Variants in ROR2 observed in about 807,000 individuals in gnomAD.
ROR2 encodes tyrosine-protein kinase transmembrane receptor ROR2.
In ROR2, 33 loss-of-function variants were observed where a neutral mutation model predicts 74.9. The ratio of observed to expected loss-of-function variants is 0.44; its 90% CI spans 0.33 to 0.59. The LOEUF is 0.59. ROR2 is among the 20% of genes least tolerant of loss of function. The pLI is 0.02. For missense variants in ROR2, 1,216 were observed against 1,313.8 expected (o/e 0.93, Z 1.15); for synonymous variants, 586 against 558.7 (o/e 1.05, Z -0.69).
At chr9:91,876,987 T>A (rs1829974586) in intron 1 of ROR2, among the ~76,000 whole-genome samples, 1 of 152,088 alleles carries the variant, frequency 6.6e-6, no homozygotes, top group East Asian at 1.9e-4. Flanking sequence ...TAACACATCA[T>A]AATGAACTCC....
At chr9:91,769,037 T>G (rs1826145594) in intron 2 of ROR2, among the ~76,000 whole-genome samples, 1 of 152,142 alleles carries the variant, frequency 6.6e-6, no homozygotes, top group Non-Finnish European at 1.5e-5. Flanking sequence ...GGGAAAGGTT[T>G]GCTTGGGATT....
At chr9:91,879,802 T>C (rs940473813) in intron 1 of ROR2, among the ~76,000 whole-genome samples, 3 of 152,108 alleles carry the variant, frequency 2.0e-5, no homozygotes, top group Non-Finnish European at 4.4e-5. Context: ...ACAGTCCTAT[T>C]AACTTAGACA....
At chr9:91,730,688 A>G (rs2118679769) in intron 7 of ROR2, among the ~76,000 whole-genome samples, 1 of 152,164 alleles carries the variant, frequency 6.6e-6, no homozygotes, top group Non-Finnish European at 1.5e-5. Context: ...TCCTGACCTC[A>G]AGTGATCTGC....
chr9:91,839,086 A>C (rs1828699668), intron 1 of ROR2, among the ~76,000 whole-genome samples: 1 of 152,240 alleles, frequency 6.6e-6, no homozygotes, highest in Admixed American at 6.5e-5. Context: ...GGCTACGCGC[A>C]GGCACATAGC....
chr9:91,923,166 C>T lies in ROR2; in HGVS notation c.97+26701G>A, dbSNP rs139541340. On this transcript the variant is annotated intron_variant, in intron 1 of 8. Transcript: ENST00000375708. ...CTAACAAGTTAGCAGCCTCTAGGCACAGAGCAGGTGCTCAGAAAGTACTTA... is the reference window on the plus strand; with the variant it reads ...CTAACAAGTTAGCAGCCTCTAGGCATAGAGCAGGTGCTCAGAAAGTACTTA... 3.8e-3 allele frequency among the ~76,000 whole-genome samples: 586 copies of T among 152,262 alleles called. 9 individuals are homozygous for T. Among genetic ancestry groups the T allele is most frequent in the Non-Finnish European group, 7.3e-4 (50 of 68,028 alleles).
At chr9:91,756,205 A>C in intron 3 of ROR2, 104 bp from the exon 4 acceptor site, 3 of 1,109,408 alleles carry the variant, frequency 2.7e-6, no homozygotes, top group South Asian at 1.3e-5. Flanking sequence ...CAGCGGGCTC[A>C]CTGGTGGGCA....
intron 1 of ROR2, among the ~76,000 whole-genome samples, chr9:91,937,838 C>T (rs1446421745): frequency 1.3e-5 from 2 of 152,122 alleles, no homozygotes; most frequent in Non-Finnish European, 2.9e-5. Flanking sequence ...CTTAACCTCC[C>T]GAGTAGTTGG....
rs191315957 is a variant in ROR2 at position 91,811,282 on chromosome 9, C to G, written c.98-35464G>C. Among the ~76,000 whole-genome samples, 655 of 152,316 alleles carry G rather than the reference C, an allele frequency of 4.3e-3. 1 individual carries two copies. Among genetic ancestry groups the G allele is most frequent in the Admixed American group, 8.6e-3 (131 of 15,312 alleles). ...CAGGGGAACCCAGGCCCAGACTGCA[C>G]GGGAACCACGGGGGAGCGCAGGGCC... On this transcript the variant is annotated intron_variant, in intron 1 of 8. Transcript: ENST00000375708.
In ROR2 at chr9:91,881,906, G is replaced by A. The variant is rs138942138; in HGVS notation, c.97+67961C>T. Among the ~76,000 whole-genome samples the A allele has an allele frequency of 4.1e-3, 629 of 152,322 alleles. 5 individuals carry two copies. The highest frequency in any genetic ancestry group is 0.014 in the African/African-American group (591 of 41,574). On this transcript the variant is annotated intron_variant, in intron 1 of 8. Coordinates refer to ENST00000375708, the MANE Select transcript of ROR2 (RefSeq NM_004560.4). The stretch of plus-strand genomic sequence containing the variant: ...GGCTTGAAAGAAAGTTCTACTAAAG[G>A]AGTAGGAGGGCAGGCGAGGCCCTCA...
intron 1 of ROR2, among the ~76,000 whole-genome samples, chr9:91,941,133 G>A (rs1177095928): frequency 2.6e-5 from 4 of 151,564 alleles, no homozygotes; most frequent in Non-Finnish European, 5.9e-5. Context: ...AAGTAGCTGG[G>A]ACTACAGGCG....
intron 1 of ROR2, among the ~76,000 whole-genome samples, chr9:91,781,450 A>G (rs888331145): frequency 6.6e-6 from 1 of 152,216 alleles, no homozygotes; most frequent in East Asian, 1.9e-4. Flanking sequence ...TAAGGAAGAA[A>G]AGTTAAAAAT....
chr9:91,945,306 C>G (rs554338220), intron 1 of ROR2, among the ~76,000 whole-genome samples: 1 of 152,190 alleles, frequency 6.6e-6, no homozygotes, highest in Non-Finnish European at 1.5e-5. Flanking sequence ...CACAAGCCTA[C>G]AATGAGGAGT....
At position 91,733,734 on chromosome 9, in the gene ROR2, A is replaced by C. The variant is rs1824914312; in HGVS notation, c.623-298T>G. 6.8e-6 allele frequency among the ~76,000 whole-genome samples: 1 copy of C among 147,030 alleles called. No individual in the cohort carries two copies. Among genetic ancestry groups the C allele is most frequent in the African/African-American group, 2.7e-5 (1 of 36,556 alleles). On this transcript the variant is annotated intron_variant, in intron 5 of 8. Coordinates refer to ENST00000375708, the MANE Select transcript of ROR2 (RefSeq NM_004560.4). This position sits in a 1 kb window ranked among gnomAD's most constrained non-coding sequence, Gnocchi z 5.7. The stretch of plus-strand genomic sequence containing the variant: ...AGAAAGAAGGAAAACTCGGCCCCCT[A>C]GCTCACTCCGCTAGGTGCTTCTTCC...
intron 7 of ROR2, among the ~76,000 whole-genome samples, 162 bp downstream of exon 7, chr9:91,730,748 G>A (rs926981383): frequency 4.6e-5 from 7 of 152,052 alleles, no homozygotes; most frequent in Non-Finnish European, 7.4e-5. Context: ...GCCACTACGC[G>A]TGGCCCAACA....
chr9:91,826,395 A>C (rs1828291295), intron 1 of ROR2, among the ~76,000 whole-genome samples: 1 of 151,672 alleles, frequency 6.6e-6, no homozygotes. Context: ...TTCCTTAAAA[A>C]ACAACAACAA....
At chr9:91,947,667 G>A (rs1000649623) in intron 1 of ROR2, among the ~76,000 whole-genome samples, 1 of 152,142 alleles carries the variant, frequency 6.6e-6, no homozygotes, top group Non-Finnish European at 1.5e-5. Context: ...ACCCTACCTA[G>A]GATTGGTATA....
intron 1 of ROR2, among the ~76,000 whole-genome samples, chr9:91,885,017 T>C (rs1049479050): frequency 1.3e-5 from 2 of 152,156 alleles, no homozygotes; most frequent in Non-Finnish European, 2.9e-5. Context: ...CTCGCGAACT[T>C]AAAGAGCTAA....
intron 1 of ROR2, among the ~76,000 whole-genome samples, chr9:91,852,464 A>G (rs1356799829): frequency 6.6e-6 from 1 of 152,216 alleles, no homozygotes; most frequent in Non-Finnish European, 1.5e-5. Context: ...CAATGACTCC[A>G]TCCCAGATGG....
At chr9:91,901,801 C>G (rs1460036565) in intron 1 of ROR2, among the ~76,000 whole-genome samples, 1 of 90,236 alleles carries the variant, frequency 1.1e-5, no homozygotes, top group Non-Finnish European at 2.4e-5. Context: ...GGGACTCCAT[C>G]TCAAAAAAAA....
Sources: allele counts gnomAD v4.1 joint callset (sites outside exome capture counted in the v4.1 genomes callset), GRCh38; gene constraint gnomAD v4.1.1; non-coding constraint Gnocchi (gnomAD v3.1); transcripts MANE v1.5; gene names NCBI Gene and HGNC (gene_info 2026-07-23, HGNC 2026-07-21).